Variants in ABCA13 observed in about 807,000 individuals in gnomAD.
ABCA13 encodes ATP binding cassette subfamily A member 13.
ABCA13 carries 476 observed loss-of-function variants against 478.7 expected under a neutral mutation model. The ratio of observed to expected loss-of-function variants is 0.99; its 90% confidence interval spans 0.92 to 1.07. ABCA13 has a LOEUF of 1.07. Ranked by LOEUF, ABCA13 falls within the 50% of genes least tolerant of loss-of-function variation. The pLI is 0.00. For synonymous variants in ABCA13, 2,252 were observed against 2,158.9 expected (o/e 1.04, Z -1.20); for missense variants, 6,060 against 5,910.6 (o/e 1.03, Z -0.83).
intron 45 of ABCA13, among the ~76,000 whole-genome samples, chr7:48,479,713 C>A (rs1003145754): frequency 6.6e-6 from 1 of 152,266 alleles, no homozygotes; most frequent in East Asian, 1.9e-4. Context: ...TTTTTAGATT[C>A]CACAAATAAG....
At chr7:48,630,817 GTT>G (rs55908191) in intron 59 of ABCA13, among the ~76,000 whole-genome samples, 3 of 147,514 alleles carry the variant, frequency 2.0e-5, no homozygotes, top group African/African-American at 7.4e-5. Context: ...GCCAGCATCT[GTT>G]TTTTTTTTTT....
At chr7:48,295,918 T>C (rs1799298594) in intron 21 of ABCA13, 55 bp downstream of exon 21, 10 of 1,512,976 alleles carry the variant, frequency 6.6e-6, no homozygotes, top group Non-Finnish European at 8.8e-6. Context: ...ATAGAGAGGA[T>C]GTCTAGGACT....
chr7:48,297,290 A>T lies in ABCA13; in HGVS notation c.9178A>T (p.Ser3060Cys), dbSNP rs1319636313. 6.2e-7 allele frequency: 1 copy of T among 1,609,026 alleles called. No individual in the cohort carries two copies. Among genetic ancestry groups the T allele is most frequent in the Non-Finnish European group, 8.5e-7 (1 of 1,177,598 alleles). Residue 3060 changes from serine to cysteine, a missense_variant, in exon 22 of 62, where the codon AGC becomes TGC. Transcript: ENST00000435803. Reference sequence around the variant, plus strand: ...AGGGAATCCCATCATGACTTTTCTCAGCAATTTCACAGTAACTGAGGGTAA... The same window carrying T: ...AGGGAATCCCATCATGACTTTTCTCTGCAATTTCACAGTAACTGAGGGTAA... ...SSGNPIMTFL[S>C]NFTVTEDVKI...
chr7:48,614,533 G>A (rs1014924318), intron 58 of ABCA13, among the ~76,000 whole-genome samples: 2 of 150,890 alleles, frequency 1.3e-5, no homozygotes, highest in Non-Finnish European at 3.0e-5. Flanking sequence ...TCCCATTACT[G>A]GGTATATACC....
intron 43 of ABCA13, 125 bp from the exon 44 acceptor site, chr7:48,466,831 C>G (rs1826926902): frequency 3.4e-6 from 3 of 874,242 alleles, no homozygotes; most frequent in Non-Finnish European, 5.7e-6. Flanking sequence ...ATCTCACTTA[C>G]TAGGAATCAT....
chr7:48,443,913 G>A (rs1245404853), intron 42 of ABCA13, among the ~76,000 whole-genome samples: 4 of 152,012 alleles, frequency 2.6e-5, no homozygotes, highest in Non-Finnish European at 4.4e-5. Context: ...TCCTGTTACA[G>A]GAGGAAACAC....
intron 41 of ABCA13, among the ~76,000 whole-genome samples, chr7:48,417,708 C>CTT (rs553537153): frequency 3.2e-4 from 49 of 152,210 alleles, no homozygotes; most frequent in Non-Finnish European, 5.7e-4. Context: ...GCCCATTAGG[C>CTT]TTCACTCTTG....
rs150161744 is a variant in ABCA13, at chr7:48,432,624, G to A, written c.12565+4753G>A. ...GAAAATATGGCATATGTACATAGTAGAATACTATTCAGTCTTAAAAAAGAA... is the reference window on the plus strand; with the variant it reads ...GAAAATATGGCATATGTACATAGTAAAATACTATTCAGTCTTAAAAAAGAA... On this transcript the variant is annotated intron_variant, in intron 42 of 61. Coordinates refer to ENST00000435803, the MANE Select transcript of ABCA13 (RefSeq NM_152701.5). 4.6e-3 allele frequency among the ~76,000 whole-genome samples: 695 copies of A among 152,182 alleles called. 2 individuals carry two copies. Among genetic ancestry groups the A allele is most frequent in the African/African-American group, 0.016 (676 of 41,544 alleles).
chr7:48,367,267 G>A (rs1811822545), intron 31 of ABCA13, among the ~76,000 whole-genome samples: 1 of 152,124 alleles, frequency 6.6e-6, no homozygotes, highest in Admixed American at 6.5e-5. Context: ...TGGATTTTGA[G>A]GCATGACTGT....
At chr7:48,480,778 C>T (rs1031274288) in intron 45 of ABCA13, among the ~76,000 whole-genome samples, 1 of 152,130 alleles carries the variant, frequency 6.6e-6, no homozygotes, top group African/African-American at 2.4e-5. Context: ...TTTTATAAAT[C>T]TGCCCAAACT....
At chr7:48,446,512 T>C (rs897721313) in intron 42 of ABCA13, among the ~76,000 whole-genome samples, 5 of 152,160 alleles carry the variant, frequency 3.3e-5, no homozygotes, top group African/African-American at 1.2e-4. Context: ...TCTCCCACAA[T>C]TTAATTCTCT....
chr7:48,303,404 T>G (rs1453854698), intron 23 of ABCA13, among the ~76,000 whole-genome samples: 2 of 152,220 alleles, frequency 1.3e-5, no homozygotes, highest in Non-Finnish European at 2.9e-5. Context: ...TCATGAAGTC[T>G]TTGCCCATTC....
chr7:48,475,933 G>C (rs748536413), intron 45 of ABCA13, among the ~76,000 whole-genome samples: 1 of 152,182 alleles, frequency 6.6e-6, no homozygotes, highest in Non-Finnish European at 1.5e-5. Context: ...GGGATTTTTA[G>C]GGTCTGAGCT....
At position 48,617,063 on chromosome 7, in the gene ABCA13, C is replaced by T. The variant is rs573657901; in HGVS notation, c.14837+1686C>T. On this transcript the variant is annotated intron_variant, in intron 59 of 61. Coordinates refer to ENST00000435803, the MANE Select transcript of ABCA13 (RefSeq NM_152701.5). ...GTAAAATAAAATAATTTGTAAAATGCTTATTCTCCTATAACTATAAACCTA... is the reference window on the plus strand; with the variant it reads ...GTAAAATAAAATAATTTGTAAAATGTTTATTCTCCTATAACTATAAACCTA... 2.6e-5 allele frequency among the ~76,000 whole-genome samples: 4 copies of T among 152,250 alleles called. No individual in the cohort carries two copies. The East Asian group carries it at 7.7e-4, about 29-fold the overall frequency.
At chr7:48,376,242 C>A (rs746651296) in intron 34 of ABCA13, among the ~76,000 whole-genome samples, 199 bp from the exon 35 acceptor site, 1 of 152,140 alleles carries the variant, frequency 6.6e-6, no homozygotes, top group African/African-American at 2.4e-5. Context: ...ACAATCCCCC[C>A]ACCTGATATC....
intron 30 of ABCA13, 98 bp downstream of exon 30, chr7:48,350,917 A>C: frequency 8.1e-7 from 1 of 1,238,760 alleles, no homozygotes; most frequent in Non-Finnish European, 1.1e-6. Flanking sequence ...GATAGCTCAG[A>C]AAGAAAAGAA....
chr7:48,365,869 GA>G (rs1260646323), intron 31 of ABCA13, among the ~76,000 whole-genome samples: 1 of 152,084 alleles, frequency 6.6e-6, no homozygotes, highest in African/African-American at 2.4e-5. Flanking sequence ...CATAAAAAAT[GA>G]AAAGATATCC....
intron 59 of ABCA13, among the ~76,000 whole-genome samples, chr7:48,631,273 T>A (rs937422358): frequency 2.0e-5 from 3 of 152,114 alleles, no homozygotes; most frequent in East Asian, 1.9e-4. Flanking sequence ...TTTTCTTCTA[T>A]GATTTTTTTA....
chr7:48,568,649 T>G (rs1182391697), intron 55 of ABCA13, among the ~76,000 whole-genome samples: 2 of 152,078 alleles, frequency 1.3e-5, no homozygotes, highest in Non-Finnish European at 2.9e-5. Flanking sequence ...TTTTTTTCTC[T>G]TCTACTTTTT....
Sources: gnomAD v4.1 joint callset for allele counts (sites outside exome capture counted in the v4.1 genomes callset) on GRCh38, gnomAD v4.1.1 for gene constraint, MANE v1.5 for transcripts, NCBI Gene and HGNC (gene_info 2026-07-23, HGNC 2026-07-21) for gene names.